Variants in AUTS2 observed in about 807,000 individuals in gnomAD.
The protein encoded by AUTS2 is activator of transcription and developmental regulator AUTS2, also known as autism susceptibility gene 2 protein.
In AUTS2, 17 loss-of-function variants were observed where a neutral mutation model predicts 112.4. The ratio of observed to expected loss-of-function variants is 0.15; its 90% CI spans 0.10 to 0.23. AUTS2 has a LOEUF of 0.23. AUTS2 is among the 10% of genes least tolerant of loss of function. The probability of loss-of-function intolerance (pLI) is 1.00; values close to 1 mark genes in which losing one functional copy is unlikely to be tolerated. For synonymous variants in AUTS2, 751 were observed against 702.7 expected (o/e 1.07, Z -1.09); for missense variants, 1,510 against 1,701.6 (o/e 0.89, Z 1.98).
intron 5 of AUTS2, among the ~76,000 whole-genome samples, chr7:70,581,229 CA>C (rs1300906459): frequency 6.6e-6 from 1 of 151,812 alleles, no homozygotes; most frequent in East Asian, 1.9e-4. Flanking sequence ...ACTAAAAATA[CA>C]AAAAAATTTG....
At chr7:69,637,722 A>G (rs566994290) in intron 1 of AUTS2, among the ~76,000 whole-genome samples, 1 of 152,286 alleles carries the variant, frequency 6.6e-6, no homozygotes, top group Non-Finnish European at 1.5e-5. Flanking sequence ...TAAGTATATG[A>G]AAAAAATATT....
At chr7:69,811,570 G>A (rs936322938) in intron 1 of AUTS2, among the ~76,000 whole-genome samples, 1 of 151,934 alleles carries the variant, frequency 6.6e-6, no homozygotes, top group African/African-American at 2.4e-5. Context: ...CAGACTCAAG[G>A]CCCTTCACGT....
intron 1 of AUTS2, among the ~76,000 whole-genome samples, chr7:69,890,070 T>A (rs1794453291): frequency 6.6e-6 from 1 of 152,180 alleles, no homozygotes; most frequent in Admixed American, 6.5e-5. Flanking sequence ...TCTCAGATTA[T>A]CTGGAGGGAC....
chr7:70,491,220 A>ACT (rs1562989712), intron 5 of AUTS2, among the ~76,000 whole-genome samples: 2 of 145,184 alleles, frequency 1.4e-5, no homozygotes, highest in South Asian at 2.1e-4. Flanking sequence ...ATTATCACAC[A>ACT]CTCTCTCTCT....
intron 5 of AUTS2, among the ~76,000 whole-genome samples, chr7:70,670,425 T>A (rs1807575536): frequency 6.6e-6 from 1 of 152,248 alleles, no homozygotes; most frequent in African/African-American, 2.4e-5. Context: ...AATTTTCATC[T>A]AGCTGAGAAT....
intron 5 of AUTS2, among the ~76,000 whole-genome samples, chr7:70,629,833 C>T (rs1805165254): frequency 6.6e-6 from 1 of 151,834 alleles, no homozygotes; most frequent in South Asian, 2.1e-4. Context: ...TGATCTCATA[C>T]TTAAATAAAA....
intron 2 of AUTS2, among the ~76,000 whole-genome samples, chr7:69,924,792 C>G (rs956551041): frequency 2.6e-5 from 4 of 152,170 alleles, no homozygotes; most frequent in Non-Finnish European, 4.4e-5. Context: ...CTCAGGTGAT[C>G]CGTCTGCCTC....
chr7:70,563,918 C>A (rs1463653107), intron 5 of AUTS2, among the ~76,000 whole-genome samples: 1 of 152,056 alleles, frequency 6.6e-6, no homozygotes, highest in East Asian at 1.9e-4. Flanking sequence ...GCTTGCTCAC[C>A]CTTGAAAAAA....
intron 6 of AUTS2, among the ~76,000 whole-genome samples, chr7:70,744,657 A>G (rs1788335635): frequency 6.6e-6 from 1 of 152,172 alleles, no homozygotes; most frequent in Admixed American, 6.5e-5. Context: ...CTCCATGCAG[A>G]CAGGTGACAT....
At chr7:70,661,819 C>G (rs1807091422) in intron 5 of AUTS2, among the ~76,000 whole-genome samples, 1 of 152,104 alleles carries the variant, frequency 6.6e-6, no homozygotes, top group African/African-American at 2.4e-5. Context: ...CAGCACTGAC[C>G]TCAGGTTTAA....
chr7:69,639,941 G>T (rs1350649868), intron 1 of AUTS2, among the ~76,000 whole-genome samples: 1 of 152,176 alleles, frequency 6.6e-6, no homozygotes, highest in Admixed American at 6.5e-5. Flanking sequence ...AGAGATCTGG[G>T]AGTCTTTGGC....
At chr7:69,786,345 A>ACG (rs1789375374) in intron 1 of AUTS2, among the ~76,000 whole-genome samples, 1 of 152,124 alleles carries the variant, frequency 6.6e-6, no homozygotes, top group Non-Finnish European at 1.5e-5. Flanking sequence ...CTCTGTAAAA[A>ACG]CGCACCAGTC....
chr7:70,746,647 G>A (rs937199189), intron 6 of AUTS2, among the ~76,000 whole-genome samples: 3 of 152,126 alleles, frequency 2.0e-5, no homozygotes, highest in Non-Finnish European at 4.4e-5. Context: ...GATGGGATTC[G>A]AAAGTGCACC....
Position 70,791,059 on chromosome 7 carries a change from GAGAC to G in AUTS2, c.*67_*70del. On this transcript the variant is annotated 3_prime_UTR_variant, in exon 19 of 19. Coordinates refer to ENST00000342771, the MANE Select transcript of AUTS2 (RefSeq NM_015570.4). ...TAGGCAGACACCAGGCCAGGCTTGAGAGACAGAACTCCTGCATGGCTCACACAGA... is the reference window on the plus strand; with the variant it reads ...TAGGCAGACACCAGGCCAGGCTTGAGAGAACTCCTGCATGGCTCACACAGA... 7.1e-7 allele frequency: 1 copy of G among 1,417,418 alleles called. No individual in the cohort carries two copies. Among genetic ancestry groups the G allele is most frequent in the Non-Finnish European group, 9.2e-7 (1 of 1,089,054 alleles). 87.8% of individuals were successfully genotyped at this position (1,417,418 alleles called of 1,614,324 possible). A position where few individuals can be genotyped will look rare whatever the true frequency, so the allele number is the denominator to read the frequency against.
chr7:70,653,480 A>G (rs1806614054), intron 5 of AUTS2, among the ~76,000 whole-genome samples: 2 of 152,144 alleles, frequency 1.3e-5, no homozygotes, highest in Non-Finnish European at 2.9e-5. Context: ...ACCAATTAAA[A>G]TCCTATACCT....
chr7:70,090,622 T>C (rs771139115), intron 2 of AUTS2, among the ~76,000 whole-genome samples: 2 of 151,928 alleles, frequency 1.3e-5, no homozygotes, highest in Non-Finnish European at 2.9e-5. Flanking sequence ...CTTCTTTACA[T>C]AGATGCATTT....
intron 4 of AUTS2, among the ~76,000 whole-genome samples, chr7:70,187,880 T>C (rs1235472539): frequency 1.3e-5 from 2 of 150,500 alleles, no homozygotes; most frequent in East Asian, 4.0e-4. Context: ...GGAAGACATC[T>C]TTGTGATATT....
At chr7:69,773,593 AC>A (rs1788764547) in intron 1 of AUTS2, among the ~76,000 whole-genome samples, 1 of 151,812 alleles carries the variant, frequency 6.6e-6, no homozygotes, top group Non-Finnish European at 1.5e-5. Flanking sequence ...GAAAAACCAC[AC>A]CCCATATCAC....
intron 4 of AUTS2, among the ~76,000 whole-genome samples, chr7:70,390,044 T>C (rs746454936): frequency 6.6e-6 from 1 of 152,226 alleles, no homozygotes; most frequent in Non-Finnish European, 1.5e-5. Context: ...AGAGAGGATA[T>C]GTGCTTTCTT....
Sources: allele counts gnomAD v4.1 joint callset (sites outside exome capture counted in the v4.1 genomes callset), GRCh38; gene constraint gnomAD v4.1.1; transcripts MANE v1.5; gene names NCBI Gene and HGNC (gene_info 2026-07-23, HGNC 2026-07-21).